Variants in DIAPH2 observed in about 807,000 individuals in gnomAD.
DIAPH2 encodes diaphanous related formin 2.
Under a neutral mutation model 92.7 loss-of-function variants are expected in DIAPH2, and 35 were observed. The observed-to-expected ratio is 0.38, with a 90% confidence interval of 0.29 to 0.50. The LOEUF is 0.50. DIAPH2 is among the 20% of genes least tolerant of loss of function. The pLI is 0.94. For synonymous variants in DIAPH2, 301 were observed against 280.4 expected (o/e 1.07, Z -0.73); for missense variants, 701 against 819.5 (o/e 0.86, Z 1.77).
intron 26 of DIAPH2, among the ~76,000 whole-genome samples, chrX:97,464,335 G>A (rs1208476220): frequency 9.2e-5 from 9 of 97,877 alleles, no homozygotes; most frequent in African/African-American, 3.5e-4. Context: ...AAATTAGCCG[G>A]GCATGGTGGC....
intron 17 of DIAPH2, among the ~76,000 whole-genome samples, chrX:97,008,474 T>A (rs1037794593): frequency 8.9e-6 from 1 of 111,796 alleles, no homozygotes; most frequent in African/African-American, 3.3e-5. Context: ...TTGATTCTTA[T>A]GGATATTCCT....
At position 96,808,528 on chromosome X, in the gene DIAPH2, T is replaced by A. The variant is rs568011921; in HGVS notation, c.447+50270T>A. On this transcript the variant is annotated intron_variant, in intron 4 of 26. Coordinates refer to ENST00000324765, the MANE Select transcript of DIAPH2 (RefSeq NM_006729.5). ...TATGCACATCACATAAACATGGTAA[T>A]GCTCAATTGTCCATTAAGGAAGACA... Among the ~76,000 whole-genome samples, 114 of 111,919 alleles carry A rather than the reference T, an allele frequency of 1.0e-3. No homozygotes were observed. In the South Asian group the frequency reaches 0.04, roughly 40 times the overall value.
At chrX:97,254,793 G>A (rs992894529) in intron 23 of DIAPH2, among the ~76,000 whole-genome samples, 7 of 108,796 alleles carry the variant, frequency 6.4e-5, no homozygotes, top group South Asian at 8.1e-4. Flanking sequence ...GTACAGTCCC[G>A]AGTTCAAGCC....
chrX:97,479,181 C>T (rs2147815038), intron 26 of DIAPH2, among the ~76,000 whole-genome samples: 1 of 110,905 alleles, frequency 9.0e-6, no homozygotes, highest in South Asian at 3.8e-4. Flanking sequence ...TCTGTAACTC[C>T]TGAATCCTTT....
At chrX:97,293,235 ATTTC>A (rs1315338703) in intron 23 of DIAPH2, among the ~76,000 whole-genome samples, 11 of 52,461 alleles carry the variant, frequency 2.1e-4, no homozygotes, top group Non-Finnish European at 4.2e-4. Context: ...CTTTGTTGAT[ATTTC>A]TTTCTTTTTT....
chrX:97,038,144 A>C (rs947484416), intron 17 of DIAPH2, among the ~76,000 whole-genome samples: 2 of 111,350 alleles, frequency 1.8e-5, no homozygotes, highest in South Asian at 7.6e-4. Flanking sequence ...TTCACTTAGG[A>C]TAGTGGCCTC....
At chrX:97,162,839 T>C (rs922007028) in intron 22 of DIAPH2, among the ~76,000 whole-genome samples, 2 of 111,659 alleles carry the variant, frequency 1.8e-5, no homozygotes, top group African/African-American at 3.3e-5. Context: ...TTCTTTTTTT[T>C]CCCCGTCTAT....
chrX:96,956,381 T>G (rs2065810658), intron 15 of DIAPH2, among the ~76,000 whole-genome samples: 1 of 112,024 alleles, frequency 8.9e-6, no homozygotes, highest in Non-Finnish European at 1.9e-5. Flanking sequence ...GGGGCTGCCA[T>G]GAAAGTCTCT....
chrX:97,458,021 T>C (rs2070422956), intron 26 of DIAPH2, among the ~76,000 whole-genome samples: 1 of 110,951 alleles, frequency 9.0e-6, no homozygotes, highest in Non-Finnish European at 1.9e-5. Context: ...TCCCCAAGAG[T>C]GAGTGATCTA....
At chrX:97,543,848 G>T (rs1350000621) in intron 26 of DIAPH2, among the ~76,000 whole-genome samples, 1 of 110,509 alleles carries the variant, frequency 9.0e-6, no homozygotes, top group Non-Finnish European at 1.9e-5. Context: ...TAGTGCTCCC[G>T]GTACAGCCTC....
At chrX:97,345,684 A>G (rs2069150617) in intron 23 of DIAPH2, among the ~76,000 whole-genome samples, 1 of 112,035 alleles carries the variant, frequency 8.9e-6, no homozygotes, top group African/African-American at 3.2e-5. Context: ...GCATCTAGAG[A>G]AATTTTACTT....
Position 97,122,133 on chromosome X carries a change from C to G in DIAPH2, c.2589+7168C>G, listed in dbSNP as rs190036720. Among the ~76,000 whole-genome samples the G allele has an allele frequency of 1.7e-3, 188 of 111,587 alleles. 2 individuals carry two copies. Among genetic ancestry groups the G allele is most frequent in the Non-Finnish European group, 2.4e-3 (130 of 53,103 alleles). ...TCAAGGAAGCATTATAGAACCAACT[C>G]TGGCACTTACAGTATTCTGAAAATG... On this transcript the variant is annotated intron_variant, in intron 21 of 26. Coordinates refer to ENST00000324765, the MANE Select transcript of DIAPH2 (RefSeq NM_006729.5).
chrX:97,141,048 A>T (rs1248265470), intron 21 of DIAPH2, among the ~76,000 whole-genome samples: 3 of 111,220 alleles, frequency 2.7e-5, no homozygotes, highest in Non-Finnish European at 5.7e-5. Flanking sequence ...TACCATTCTA[A>T]CTGTGGCATC....
At chrX:97,379,066 A>G (rs2069528712) in intron 24 of DIAPH2, among the ~76,000 whole-genome samples, 1 of 112,079 alleles carries the variant, frequency 8.9e-6, no homozygotes, top group South Asian at 3.7e-4. Context: ...GGTAACCAGA[A>G]TGATCCAAAA....
At chrX:96,958,728 C>T (rs1275772607) in intron 16 of DIAPH2, among the ~76,000 whole-genome samples, 4 of 111,450 alleles carry the variant, frequency 3.6e-5, no homozygotes, top group African/African-American at 6.5e-5. Flanking sequence ...CACCCTCCCA[C>T]CTCCCACACA....
At chrX:97,414,233 C>T (rs1457268078) in intron 25 of DIAPH2, among the ~76,000 whole-genome samples, 1 of 111,246 alleles carries the variant, frequency 9.0e-6, no homozygotes, top group African/African-American at 3.3e-5. Flanking sequence ...ATAACAGAGG[C>T]ATCAGAAATA....
chrX:96,926,361 A>G (rs1401709408), intron 9 of DIAPH2, among the ~76,000 whole-genome samples: 2 of 111,838 alleles, frequency 1.8e-5, no homozygotes, highest in African/African-American at 6.5e-5. Flanking sequence ...ATAAAATTGG[A>G]AATTTTTAAA....
chrX:96,899,158 C>T (rs189944623), intron 5 of DIAPH2, among the ~76,000 whole-genome samples: 8,469 of 108,765 alleles, frequency 0.078, 436 homozygotes, highest in Non-Finnish European at 0.12. Flanking sequence ...AGTCAGGTAG[C>T]GTGATGCCTC....
chrX:96,716,327 GTTTA>G (rs2063950183), intron 1 of DIAPH2, among the ~76,000 whole-genome samples: 1 of 111,480 alleles, frequency 9.0e-6, no homozygotes, highest in African/African-American at 3.3e-5. Flanking sequence ...AGTAATCAGA[GTTTA>G]TTGTTTTTGA....
Sources: gnomAD v4.1 joint callset for allele counts (sites outside exome capture counted in the v4.1 genomes callset) on GRCh38, gnomAD v4.1.1 for gene constraint, MANE v1.5 for transcripts, NCBI Gene and HGNC (gene_info 2026-07-23, HGNC 2026-07-21) for gene names.